PSMD1: variants seen among roughly 807,000 people sequenced by gnomAD.
PSMD1 encodes proteasome 26S subunit, non-ATPase 1.
A neutral mutation model predicts 119.0 loss-of-function variants in PSMD1; 18 were observed. The ratio of observed to expected loss-of-function variants is 0.15; its 90% CI spans 0.10 to 0.22. PSMD1 has a LOEUF of 0.22. PSMD1 is among the 10% of genes least tolerant of loss of function. The pLI is 1.00. For synonymous variants in PSMD1, 374 were observed against 396.6 expected, an observed-to-expected ratio of 0.94 and a Z score of 0.68; for missense variants, 702 against 1,158.5, an observed-to-expected ratio of 0.61 and a Z score of 5.72.
intron 16 of PSMD1, chr2:231,133,387 C>A (rs1695894873): frequency 6.6e-6 from 1 of 152,128 alleles, no homozygotes; most frequent in South Asian, 2.1e-4. Flanking sequence ...GTGGCACTTA[C>A]CTAATGAGAA....
chr2:231,171,899 T>A (rs1164413986), intron 24 of PSMD1, among the ~76,000 whole-genome samples: 1 of 152,186 alleles, frequency 6.6e-6, no homozygotes, highest in East Asian at 1.9e-4. Context: ...GTATCATTTG[T>A]TATATTTAAA....
chr2:231,104,700 C>T (rs1036433864), intron 16 of PSMD1, among the ~76,000 whole-genome samples: 1 of 152,106 alleles, frequency 6.6e-6, no homozygotes, highest in Non-Finnish European at 1.5e-5. Context: ...TACTGAGATT[C>T]TAAACAGGCT....
In PSMD1 at chr2:231,069,926, A is replaced by C; in HGVS notation, c.511-99A>C. On this transcript the variant is annotated intron_variant, in intron 5 of 24. Transcript: ENST00000308696. ...AAGAGGTCTAAATAATTGGCTTCCT[A>C]GATTGGCTAAAGAAGCAAGATTAAA... is the stretch of plus-strand genomic sequence containing the variant. The C allele has an allele frequency of 3.9e-6, 4 of 1,016,644 alleles. No homozygotes were observed. In the South Asian group the frequency reaches 1.3e-4, roughly 32 times the overall value. The allele number at this position is 1,016,644 out of a possible 1,614,324, so 63.0% of individuals were successfully genotyped here. A position where few individuals can be genotyped will look rare whatever the true frequency, so the allele number is the denominator to read the frequency against.
At chr2:231,157,441 T>C (rs183197436) in intron 19 of PSMD1, among the ~76,000 whole-genome samples, 2,484 of 150,884 alleles carry the variant, frequency 0.016, 70 homozygotes, top group African/African-American at 0.057. Context: ...TTTTTTTTTT[T>C]TTTTATATCT....
intron 19 of PSMD1, among the ~76,000 whole-genome samples, chr2:231,158,515 G>T (rs1207277783): frequency 6.6e-6 from 1 of 152,154 alleles, no homozygotes; most frequent in Non-Finnish European, 1.5e-5. Context: ...TTAAATCTCA[G>T]AATGTTAGAA....
chr2:231,172,460 G>A (rs1696934313), intron 24 of PSMD1, 75 bp from the exon 25 acceptor site: 1 of 152,102 alleles, frequency 6.6e-6, no homozygotes, highest in South Asian at 2.1e-4. Context: ...ACAGTTAATA[G>A]TAAAGAGGAA....
chr2:231,082,054 A>G (rs1694321185), intron 12 of PSMD1, among the ~76,000 whole-genome samples: 1 of 151,946 alleles, frequency 6.6e-6, no homozygotes, highest in Non-Finnish European at 1.5e-5. Context: ...ACAACTCACT[A>G]TTTTTAATTT....
chr2:231,057,114 G>C (rs1693613768), intron 1 of PSMD1, 73 bp downstream of exon 1: 1 of 1,419,288 alleles, frequency 7.0e-7, no homozygotes. Flanking sequence ...AGTCAGGGCC[G>C]GTGACTGGGC....
At chr2:231,153,725 A>G (rs935833187) in intron 19 of PSMD1, 59 bp downstream of exon 19, 4 of 1,186,972 alleles carry the variant, frequency 3.4e-6, no homozygotes, top group African/African-American at 3.1e-5. Flanking sequence ...TAAAATAACT[A>G]TCTGCTCTAA....
At chr2:231,143,477 C>T (rs1696178810) in intron 17 of PSMD1, among the ~76,000 whole-genome samples, 1 of 152,140 alleles carries the variant, frequency 6.6e-6, no homozygotes, top group Admixed American at 6.5e-5. Context: ...ATCCACCTGC[C>T]TCGGCCTCCC....
At chr2:231,113,900 A>G (rs748224973) in intron 16 of PSMD1, 4 of 1,614,070 alleles carry the variant, frequency 2.5e-6, no homozygotes, top group South Asian at 2.2e-5. Flanking sequence ...CAGGCAGGAC[A>G]TAGAACAAGT....
At chr2:231,125,321 T>G (rs559559379) in intron 16 of PSMD1, among the ~76,000 whole-genome samples, 1 of 152,226 alleles carries the variant, frequency 6.6e-6, no homozygotes, top group South Asian at 2.1e-4. Flanking sequence ...ATAGTTTTGT[T>G]TGGGGTTAAG....
chr2:231,166,315 G>T (rs893378119), intron 23 of PSMD1, among the ~76,000 whole-genome samples: 3 of 152,146 alleles, frequency 2.0e-5, no homozygotes, highest in Admixed American at 6.5e-5. Context: ...TACAGGATTT[G>T]AATCTTGAGT....
chr2:231,103,920 A>G (rs909484439), intron 16 of PSMD1, among the ~76,000 whole-genome samples: 1 of 152,190 alleles, frequency 6.6e-6, no homozygotes, highest in Non-Finnish European at 1.5e-5. Flanking sequence ...GATTAGACAC[A>G]ATTAAAAAAT....
chr2:231,124,112 G>A (rs925658907), intron 16 of PSMD1: 1 of 255,808 alleles, frequency 3.9e-6, no homozygotes. Flanking sequence ...GTTTGAACTT[G>A]CATGCCAGAG....
chr2:231,075,642 C>T (rs537091588), intron 8 of PSMD1, 71 bp downstream of exon 8: 58 of 1,400,476 alleles, frequency 4.1e-5, no homozygotes, highest in South Asian at 1.9e-4. Flanking sequence ...CGCAGTGGCG[C>T]GGTCTCGGCT....
At chr2:231,161,142 G>T (rs372537202) in intron 19 of PSMD1, among the ~76,000 whole-genome samples, 198 bp from the exon 20 acceptor site, 10 of 152,066 alleles carry the variant, frequency 6.6e-5, no homozygotes, top group East Asian at 5.8e-4. Flanking sequence ...AGGCCAGGAG[G>T]TCGAGGCTGC....
chr2:231,137,243 G>A (rs1199692402), intron 16 of PSMD1, among the ~76,000 whole-genome samples: 6 of 151,414 alleles, frequency 4.0e-5, no homozygotes, highest in East Asian at 1.9e-4. Context: ...TCAGCCTCCC[G>A]AGTAGCAAGT....
intron 13 of PSMD1, 66 bp downstream of exon 13, chr2:231,083,060 T>C: frequency 8.3e-7 from 1 of 1,201,564 alleles, no homozygotes; most frequent in Admixed American, 2.1e-5. Context: ...TTACATTAGT[T>C]TCTACCTATA....
Sources: gnomAD v4.1 joint callset for allele counts (sites outside exome capture counted in the v4.1 genomes callset) on GRCh38, gnomAD v4.1.1 for gene constraint, MANE v1.5 for transcripts, NCBI Gene and HGNC (gene_info 2026-07-23, HGNC 2026-07-21) for gene names.